Variants in ADGRL3 observed in about 807,000 individuals in gnomAD.
ADGRL3 encodes calcium-independent alpha-latrotoxin receptor 3.
ADGRL3 carries 62 observed loss-of-function variants against 153.5 expected under a neutral mutation model. That is an observed-to-expected ratio of 0.40 (90% CI 0.33 to 0.50). ADGRL3 has a LOEUF of 0.50. Among genes scored for constraint, ADGRL3 ranks in the 20% least tolerant of loss-of-function variants. The pLI is 0.47. For missense variants in ADGRL3, 1,641 were observed against 1,859.4 expected (o/e 0.88, Z 2.16); for synonymous variants, 710 against 672.5 (o/e 1.06, Z -0.86).
chr4:61,744,348 T>A (rs1468021280), intron 8 of ADGRL3, among the ~76,000 whole-genome samples: 3 of 152,158 alleles, frequency 2.0e-5, no homozygotes, highest in African/African-American at 7.2e-5. Flanking sequence ...TTTAAGAGCT[T>A]TGAAGAGAGC....
At chr4:61,383,311 T>G (rs1231650180) in intron 2 of ADGRL3, 122 bp downstream of exon 2, 2 of 151,770 alleles carry the variant, frequency 1.3e-5, no homozygotes, top group Non-Finnish European at 3.0e-5. Context: ...ATTTGTAATG[T>G]GTTACTAAAA....
chr4:61,813,512 G>T (rs2097653665), intron 8 of ADGRL3, among the ~76,000 whole-genome samples: 1 of 151,692 alleles, frequency 6.6e-6, no homozygotes, highest in Non-Finnish European at 1.5e-5. Context: ...TTTGCTTTGA[G>T]TTTTTTTTCT....
intron 17 of ADGRL3, among the ~76,000 whole-genome samples, chr4:61,963,688 T>C (rs2098996519): frequency 6.6e-6 from 1 of 152,186 alleles, no homozygotes; most frequent in Non-Finnish European, 1.5e-5. Context: ...GTTGATTCCA[T>C]GTATTTGCTA....
chr4:62,038,407 G>A (rs1726290848), intron 24 of ADGRL3, among the ~76,000 whole-genome samples: 1 of 152,052 alleles, frequency 6.6e-6, no homozygotes, highest in Non-Finnish European at 1.5e-5. Context: ...ACTAGACGTA[G>A]CAGTATAGTA....
intron 2 of ADGRL3, among the ~76,000 whole-genome samples, chr4:61,460,728 G>A (rs953508386): frequency 6.6e-6 from 1 of 152,096 alleles, no homozygotes. Flanking sequence ...TATCTTTCAT[G>A]GCAGCAGGCA....
chr4:61,514,862 T>G (rs1189769132), intron 3 of ADGRL3, among the ~76,000 whole-genome samples: 1 of 152,184 alleles, frequency 6.6e-6, no homozygotes, highest in Non-Finnish European at 1.5e-5. Context: ...TTTGTTTATT[T>G]TTCAGATTTT....
rs373076863 is a variant in ADGRL3, at chr4:62,004,921, G to A, written c.3395+6656G>A. Among the ~76,000 whole-genome samples, 20 of 151,964 alleles carry A rather than the reference G, an allele frequency of 1.3e-4. No individual in the cohort carries two copies. The East Asian group carries it at 1.5e-3, about 12-fold the overall frequency. ...CTGTCTTCCTCTATTTCTTTGATCT[G>A]TGTTTAAACATTACTAGAAATCACC... On this transcript the variant is annotated intron_variant, in intron 21 of 26. Coordinates refer to ENST00000683033, the MANE Select transcript of ADGRL3 (RefSeq NM_001387552.1).
intron 13 of ADGRL3, among the ~76,000 whole-genome samples, chr4:61,918,482 A>C (rs1446808384): frequency 3.3e-5 from 5 of 152,196 alleles, no homozygotes; most frequent in Non-Finnish European, 7.3e-5. Context: ...AGATGAATTC[A>C]TCAAGGGGAT....
intron 9 of ADGRL3, among the ~76,000 whole-genome samples, chr4:61,853,516 A>C (rs890099292): frequency 6.6e-6 from 1 of 152,196 alleles, no homozygotes; most frequent in Non-Finnish European, 1.5e-5. Context: ...GAGCTTTAGT[A>C]TAATGGCTAT....
intron 2 of ADGRL3, among the ~76,000 whole-genome samples, chr4:61,396,123 G>C (rs2096865454): frequency 6.6e-6 from 1 of 151,918 alleles, no homozygotes. Flanking sequence ...GCTACCTACA[G>C]TGTGCTTTTC....
chr4:61,562,577 C>G (rs1579549031), intron 4 of ADGRL3, among the ~76,000 whole-genome samples: 2 of 152,130 alleles, frequency 1.3e-5, no homozygotes, highest in African/African-American at 4.8e-5. Flanking sequence ...GATTCCATCT[C>G]AAGAAACTAC....
intron 1 of ADGRL3, among the ~76,000 whole-genome samples, chr4:61,263,154 C>T (rs1341291432): frequency 6.6e-6 from 1 of 151,846 alleles, no homozygotes; most frequent in South Asian, 2.1e-4. Context: ...ATTGCAGAAA[C>T]AATTCATATT....
intron 4 of ADGRL3, among the ~76,000 whole-genome samples, chr4:61,543,077 CA>C (rs2098697610): frequency 6.6e-6 from 1 of 152,024 alleles, no homozygotes; most frequent in South Asian, 2.1e-4. Context: ...CCAACTTGTT[CA>C]GTATTTGTTT....
chr4:61,958,282 A>G (rs1163280783), intron 17 of ADGRL3, among the ~76,000 whole-genome samples: 1 of 152,200 alleles, frequency 6.6e-6, no homozygotes, highest in East Asian at 1.9e-4. Flanking sequence ...TATATGGTAT[A>G]AGACCTCTTA....
At chr4:61,619,428 A>G (rs1314726053) in intron 5 of ADGRL3, among the ~76,000 whole-genome samples, 1 of 152,148 alleles carries the variant, frequency 6.6e-6, no homozygotes, top group Non-Finnish European at 1.5e-5. Flanking sequence ...TATTTTTTAA[A>G]GAAATTTCCA....
intron 17 of ADGRL3, among the ~76,000 whole-genome samples, chr4:61,957,069 GA>G (rs1417985319): frequency 6.6e-6 from 1 of 152,060 alleles, no homozygotes; most frequent in Non-Finnish European, 1.5e-5. Flanking sequence ...CTAATTCTGT[GA>G]AGAAAGTCAA....
chr4:61,742,007 G>A (rs2096585989), intron 8 of ADGRL3, among the ~76,000 whole-genome samples: 1 of 152,160 alleles, frequency 6.6e-6, no homozygotes, highest in African/African-American at 2.4e-5. Context: ...CCATTTCACT[G>A]CTCATTAGCA....
At chr4:62,065,499 T>C (rs1303628969) in intron 25 of ADGRL3, among the ~76,000 whole-genome samples, 3 of 152,090 alleles carry the variant, frequency 2.0e-5, no homozygotes, top group African/African-American at 7.2e-5. Flanking sequence ...TGTGTCATTA[T>C]AAACATATTA....
chr4:61,956,100 A>T (rs754098718), intron 17 of ADGRL3, among the ~76,000 whole-genome samples: 9 of 152,170 alleles, frequency 5.9e-5, no homozygotes, highest in Admixed American at 2.0e-4. Flanking sequence ...TAGATCCTTG[A>T]GGAATTGCCA....
Sources: gnomAD v4.1 joint callset for allele counts (sites outside exome capture counted in the v4.1 genomes callset) on GRCh38, gnomAD v4.1.1 for gene constraint, MANE v1.5 for transcripts, NCBI Gene and HGNC (gene_info 2026-07-23, HGNC 2026-07-21) for gene names.